Variants in NAALADL2 observed in about 807,000 individuals in gnomAD.
NAALADL2 encodes N-acetylated alpha-linked acidic dipeptidase like 2, also known as inactive N-acetylated-alpha-linked acidic dipeptidase-like protein 2.
NAALADL2 carries 76 observed loss-of-function variants against 87.2 expected under a neutral mutation model. The observed-to-expected ratio is 0.87, with a 90% confidence interval of 0.72 to 1.05. The LOEUF is 1.05. Ranked by LOEUF, NAALADL2 falls within the 50% of genes least tolerant of loss-of-function variation. The pLI is 0.00. For missense variants in NAALADL2, 1,089 were observed against 945.8 expected (o/e 1.15, Z -1.99); for synonymous variants, 354 against 331.0 (o/e 1.07, Z -0.75).
chr3:174,754,984 C>A (rs1711826592), intron 3 of NAALADL2, among the ~76,000 whole-genome samples: 1 of 152,122 alleles, frequency 6.6e-6, no homozygotes, highest in Non-Finnish European at 1.5e-5. Flanking sequence ...ATTCATACTT[C>A]ATATGGTTAG....
chr3:175,627,309 G>C lies in NAALADL2; in HGVS notation c.1819G>C (p.Glu607Gln), dbSNP rs767497344. Residue 607 changes from glutamate (E) to glutamine (Q), a missense_variant, in exon 11 of 14, where the codon GAG becomes CAG. Physicochemically the swap from Glu to Gln is conservative, Grantham distance 29. Coordinates refer to ENST00000454872, the MANE Select transcript of NAALADL2 (RefSeq NM_207015.3). ...GCCGCAGGGTCCAAGTTTTCTCTCCGAGGCCCGTTTTTCTACACGAGCAAC... is the reference window on the plus strand; with the variant it reads ...GCCGCAGGGTCCAAGTTTTCTCTCCCAGGCCCGTTTTTCTACACGAGCAAC... Reference protein sequence around the residue: ...KTLEGPSFLSEARFSTRATKI... With the variant: ...KTLEGPSFLSQARFSTRATKI... The C allele has an allele frequency of 1.3e-6, 2 of 1,566,584 alleles. No homozygotes were observed. The highest frequency in any genetic ancestry group is 1.7e-6 in the Non-Finnish European group (2 of 1,153,378).
At chr3:175,490,553 G>GT (rs74948956) in intron 9 of NAALADL2, among the ~76,000 whole-genome samples, 13,365 of 138,226 alleles carry the variant, frequency 0.097, 666 homozygotes, top group South Asian at 0.16. Flanking sequence ...CGCCTGGCTA[G>GT]TTTTTTTTTT....
intron 4 of NAALADL2, among the ~76,000 whole-genome samples, chr3:175,293,802 T>A (rs4552368): frequency 0.78 from 119,194 of 152,152 alleles, 47,359 homozygotes; most frequent in African/African-American, 0.87. Flanking sequence ...AAATATAAGA[T>A]ATAGATTGTT....
intron 2 of NAALADL2, among the ~76,000 whole-genome samples, chr3:174,591,099 C>T (rs79618185): frequency 0.014 from 2,175 of 152,258 alleles, 61 homozygotes; most frequent in African/African-American, 0.049. Flanking sequence ...TATCTGAAGG[C>T]TGGGAAGGAG....
intron 10 of NAALADL2, among the ~76,000 whole-genome samples, chr3:175,584,401 GGTCACCCA>G (rs1720249343): frequency 4.9e-5 from 6 of 122,348 alleles, no homozygotes; most frequent in African/African-American, 3.3e-4. Context: ...AACTGGCCAA[GGTCACCCA>G]TCTATTCAAT....
At chr3:175,309,634 A>T (rs1196865964) in intron 4 of NAALADL2, among the ~76,000 whole-genome samples, 1 of 151,774 alleles carries the variant, frequency 6.6e-6, no homozygotes, top group Admixed American at 6.6e-5. Flanking sequence ...CCCTGACACT[A>T]CTCCCCACCC....
chr3:174,650,125 T>G (rs1724208138), intron 2 of NAALADL2, among the ~76,000 whole-genome samples: 1 of 152,128 alleles, frequency 6.6e-6, no homozygotes, highest in Non-Finnish European at 1.5e-5. Flanking sequence ...GCAATAAACT[T>G]TACCTTCAGA....
At chr3:174,460,122 G>C (rs1181761936) in intron 1 of NAALADL2, among the ~76,000 whole-genome samples, 2 of 152,056 alleles carry the variant, frequency 1.3e-5, no homozygotes, top group Non-Finnish European at 2.9e-5. Flanking sequence ...GTAGACTAAA[G>C]CATACTAAGA....
At chr3:174,752,582 G>A (rs1425728527) in intron 3 of NAALADL2, among the ~76,000 whole-genome samples, 1 of 151,502 alleles carries the variant, frequency 6.6e-6, no homozygotes, top group African/African-American at 2.4e-5. Context: ...AAATAGGCCA[G>A]TGATTTTTTT....
At chr3:175,405,512 TTAA>T (rs1355988153) in intron 5 of NAALADL2, among the ~76,000 whole-genome samples, 1 of 152,202 alleles carries the variant, frequency 6.6e-6, no homozygotes, top group African/African-American at 2.4e-5. Flanking sequence ...CCATAAATTA[TTAA>T]TGTTATTTAA....
At chr3:175,597,450 C>T (rs1212921899) in intron 10 of NAALADL2, among the ~76,000 whole-genome samples, 1 of 151,942 alleles carries the variant, frequency 6.6e-6, no homozygotes, top group East Asian at 1.9e-4. Context: ...GATTTAAATT[C>T]TAGCCTTGTT....
intron 1 of NAALADL2, among the ~76,000 whole-genome samples, chr3:174,504,431 A>G (rs1244502045): frequency 2.0e-5 from 3 of 152,142 alleles, no homozygotes; most frequent in African/African-American, 4.8e-5. Flanking sequence ...ATGGCTCTAC[A>G]TGCAATTAGA....
intron 1 of NAALADL2, among the ~76,000 whole-genome samples, chr3:174,873,217 C>CTCTCTG (rs566722738): frequency 4.7e-5 from 7 of 149,610 alleles, no homozygotes; most frequent in Admixed American, 1.4e-4. Flanking sequence ...CTCTCTCTCT[C>CTCTCTG]TGTGTACATG....
intron 5 of NAALADL2, among the ~76,000 whole-genome samples, chr3:175,409,570 C>A (rs1161427784): frequency 6.6e-6 from 1 of 151,714 alleles, no homozygotes; most frequent in Non-Finnish European, 1.5e-5. Flanking sequence ...TACAAGAAAT[C>A]TAGGTGTAAT....
In NAALADL2 at chr3:175,804,553, G is replaced by A. The variant is rs900927985; in HGVS notation, c.*1350G>A. 4 of 151,696 alleles carry A rather than the reference G, an allele frequency of 2.6e-5. No individual in the cohort carries two copies. The highest frequency in any genetic ancestry group is 5.9e-5 in the Non-Finnish European group (4 of 67,818). The allele number at this position is 151,696 out of a possible 1,614,324, so 9.4% of individuals were successfully genotyped here. ...AAATGGTTTTCCTATACTGGATAAA[G>A]CAATTCCCCTTAGGAAACATAGCCT... is the stretch of plus-strand genomic sequence containing the variant. On this transcript the variant is annotated 3_prime_UTR_variant, in exon 14 of 14. Coordinates refer to ENST00000454872, the MANE Select transcript of NAALADL2 (RefSeq NM_207015.3).
chr3:175,226,628 T>A (rs1744195667), intron 2 of NAALADL2, among the ~76,000 whole-genome samples: 1 of 152,102 alleles, frequency 6.6e-6, no homozygotes, highest in East Asian at 1.9e-4. Flanking sequence ...ATAGTAGTTA[T>A]ATCAAGAGTT....
intron 9 of NAALADL2, among the ~76,000 whole-genome samples, chr3:175,565,085 A>C (rs1487695006): frequency 6.6e-6 from 1 of 152,222 alleles, no homozygotes; most frequent in Non-Finnish European, 1.5e-5. Flanking sequence ...TTTTTCTATA[A>C]GTTGAGGAAC....
chr3:174,891,147 G>A (rs1044696632), intron 1 of NAALADL2, among the ~76,000 whole-genome samples: 5 of 151,970 alleles, frequency 3.3e-5, no homozygotes, highest in South Asian at 2.1e-4. Flanking sequence ...GATAAGTAAC[G>A]CAACATTTCA....
At chr3:175,221,471 T>C (rs113188366) in intron 2 of NAALADL2, among the ~76,000 whole-genome samples, 1 of 152,130 alleles carries the variant, frequency 6.6e-6, no homozygotes, top group African/African-American at 2.4e-5. Context: ...TTTCTGTATA[T>C]GTCAAATTGG....
Sources: gnomAD v4.1 joint callset for allele counts (sites outside exome capture counted in the v4.1 genomes callset) on GRCh38, gnomAD v4.1.1 for gene constraint, MANE v1.5 for transcripts, NCBI Gene and HGNC (gene_info 2026-07-23, HGNC 2026-07-21) for gene names.